NEBL: variants seen among roughly 807,000 people sequenced by gnomAD.
NEBL encodes the protein nebulette, also known as LIM and SH3 protein 2.
Under a neutral mutation model 140.2 loss-of-function variants are expected in NEBL, and 122 were observed. The observed-to-expected ratio is 0.87, with a 90% CI of 0.75 to 1.01. NEBL has a LOEUF of 1.01. Ranked by LOEUF, NEBL falls within the 50% of genes least tolerant of loss-of-function variation. The probability of loss-of-function intolerance (pLI) is 0.00; values close to 1 mark genes in which losing one functional copy is unlikely to be tolerated. For synonymous variants in NEBL, 436 were observed against 398.9 expected (o/e 1.09, Z -1.11); for missense variants, 1,365 against 1,231.3 (o/e 1.11, Z -1.62).
intron 4 of NEBL, 69 bp downstream of exon 4, chr10:20,888,028 C>G: frequency 9.1e-7 from 1 of 1,102,030 alleles, no homozygotes; most frequent in African/African-American, 1.5e-5. Context: ...TTTATTAAAA[C>G]GCTAAGTAGC....
intron 2 of NEBL, among the ~76,000 whole-genome samples, chr10:21,027,544 G>A (rs1009297176): frequency 6.6e-6 from 1 of 151,968 alleles, no homozygotes. Flanking sequence ...GCCCAGGCTG[G>A]ATCTCGAACT....
chr10:20,900,241 G>A (rs952822139), upstream of NEBL, among the ~76,000 whole-genome samples: 11 of 152,186 alleles, frequency 7.2e-5, no homozygotes, highest in Admixed American at 3.9e-4. Flanking sequence ...GATACAGAAT[G>A]AGACCAAGAG....
At chr10:21,176,228 C>A (rs1023121630), upstream of NEBL, among the ~76,000 whole-genome samples, 1 of 152,084 alleles carries the variant, frequency 6.6e-6, no homozygotes, top group African/African-American at 2.4e-5. Context: ...GTCTCAAACT[C>A]CTGGGCTCAA....
At chr10:21,224,966 T>C (rs1019908659) in intron 3 of NEBL, among the ~76,000 whole-genome samples, 5 of 152,218 alleles carry the variant, frequency 3.3e-5, no homozygotes, top group African/African-American at 1.2e-4. Flanking sequence ...CTTTTACTCC[T>C]TCCTTTCCAA....
At chr10:20,844,225 C>A (rs1384349844) in intron 12 of NEBL, among the ~76,000 whole-genome samples, 1 of 151,994 alleles carries the variant, frequency 6.6e-6, no homozygotes, top group Non-Finnish European at 1.5e-5. Context: ...TGATGATGTG[C>A]TCCTATAGGC....
intron 2 of NEBL, among the ~76,000 whole-genome samples, chr10:21,100,098 A>G (rs1837402724): frequency 6.6e-6 from 1 of 152,144 alleles, no homozygotes; most frequent in African/African-American, 2.4e-5. Context: ...TTAGACACCC[A>G]CTCAGTCAAA....
chr10:20,893,513 G>A (rs1387594431), intron 2 of NEBL, among the ~76,000 whole-genome samples: 1 of 152,158 alleles, frequency 6.6e-6, no homozygotes, highest in Non-Finnish European at 1.5e-5. Context: ...TAGGTGGGGG[G>A]AGAAAGAGAA....
chr10:20,867,992 T>C (rs1415385987), intron 7 of NEBL: 1 of 151,712 alleles, frequency 6.6e-6, no homozygotes, highest in East Asian at 1.9e-4. Context: ...TTTCATACTT[T>C]TAAAGGCTAT....
intron 3 of NEBL, among the ~76,000 whole-genome samples, chr10:21,205,440 A>C (rs768305004): frequency 6.6e-6 from 1 of 152,228 alleles, no homozygotes; most frequent in African/African-American, 2.4e-5. Context: ...ATTTAAACAA[A>C]TTACAGTGTA....
At chr10:20,990,828 G>C (rs1426549172) in intron 3 of NEBL, among the ~76,000 whole-genome samples, 1 of 152,198 alleles carries the variant, frequency 6.6e-6, no homozygotes, top group South Asian at 2.1e-4. Flanking sequence ...ACATCCAGCA[G>C]ATAATCCCTT....
chr10:21,236,439 C>G (rs1036508576), intron 3 of NEBL, among the ~76,000 whole-genome samples: 2 of 151,054 alleles, frequency 1.3e-5, no homozygotes, highest in African/African-American at 4.9e-5. Context: ...CCTCCATTGC[C>G]CAGGTTCAAG....
intron 4 of NEBL, among the ~76,000 whole-genome samples, chr10:20,944,563 G>C (rs1015946116): frequency 6.6e-5 from 10 of 152,184 alleles, no homozygotes; most frequent in African/African-American, 2.4e-4. Flanking sequence ...AACTAATGCA[G>C]CATGCAAGGC....
chr10:21,249,910 A>G (rs1323648221), intron 2 of NEBL, among the ~76,000 whole-genome samples: 1 of 152,042 alleles, frequency 6.6e-6, no homozygotes, highest in African/African-American at 2.4e-5. Flanking sequence ...ATAAAAATAT[A>G]AAAATTGACT....
intron 1 of NEBL, among the ~76,000 whole-genome samples, chr10:21,270,730 G>C (rs946578340): frequency 2.0e-5 from 3 of 152,096 alleles, no homozygotes; most frequent in African/African-American, 7.2e-5. Flanking sequence ...TGAACTCCTT[G>C]AGGACAAGTC....
chr10:21,231,194 C>A (rs898716255), intron 3 of NEBL, among the ~76,000 whole-genome samples: 4 of 152,256 alleles, frequency 2.6e-5, no homozygotes, highest in African/African-American at 9.6e-5. Flanking sequence ...AAAAGAGCCA[C>A]CTTTATGGAA....
chr10:20,933,998 T>G (rs1406075244), intron 4 of NEBL, among the ~76,000 whole-genome samples: 1 of 152,152 alleles, frequency 6.6e-6, no homozygotes, highest in Non-Finnish European at 1.5e-5. Flanking sequence ...TTTGTAAAAG[T>G]ACAGGTTGAT....
intron 3 of NEBL, among the ~76,000 whole-genome samples, chr10:20,993,705 A>G (rs1837558430): frequency 6.6e-6 from 1 of 152,202 alleles, no homozygotes; most frequent in Admixed American, 6.5e-5. Context: ...CATGACCAAC[A>G]CCAATGGGGC....
chr10:21,105,494 T>A (rs1025257724), intron 2 of NEBL, among the ~76,000 whole-genome samples: 1 of 152,204 alleles, frequency 6.6e-6, no homozygotes, highest in African/African-American at 2.4e-5. Context: ...GCTTCATCCA[T>A]GTCCCTGCAA....
intron 2 of NEBL, chr10:21,125,865 C>G (rs1838802028): frequency 1.9e-6 from 3 of 1,613,802 alleles, no homozygotes; most frequent in Non-Finnish European, 2.5e-6. Flanking sequence ...ATACGTTGAA[C>G]TTTTCTTTTA....
Sources: allele counts gnomAD v4.1 joint callset (sites outside exome capture counted in the v4.1 genomes callset), GRCh38; gene constraint gnomAD v4.1.1; transcripts MANE v1.5; gene names NCBI Gene and HGNC (gene_info 2026-07-23, HGNC 2026-07-21).